Variants in PIGZ observed in about 807,000 individuals in gnomAD.
PIGZ encodes the protein phosphatidylinositol glycan anchor biosynthesis class Z (Gwada blood group).
PIGZ carries 16 observed loss-of-function variants against 16.4 expected under a neutral mutation model. The observed-to-expected ratio is 0.97, with a 90% CI of 0.66 to 1.48. The LOEUF (loss-of-function observed/expected upper bound fraction) is 1.48. Among genes scored for constraint, PIGZ ranks in the 40% most tolerant of loss-of-function variants. The pLI is 0.00. For synonymous variants in PIGZ, 409 were observed against 338.4 expected, an observed-to-expected ratio of 1.21 and a Z score of -2.29; for missense variants, 770 against 739.2, an observed-to-expected ratio of 1.04 and a Z score of -0.48.
chr3:196,962,986 T>C (rs1364079255), intron 1 of PIGZ, among the ~76,000 whole-genome samples: 1 of 152,228 alleles, frequency 6.6e-6, no homozygotes, highest in Non-Finnish European at 1.5e-5. Context: ...CTTATTTCTT[T>C]TCTCAGTCTC....
chr3:196,962,649 C>T (rs1717765504), intron 1 of PIGZ, among the ~76,000 whole-genome samples: 1 of 117,400 alleles, frequency 8.5e-6, no homozygotes, highest in Non-Finnish European at 1.8e-5. Flanking sequence ...GGTGGCAATA[C>T]TGATCTTTAC....
At chr3:196,955,703 C>T (rs988809875) in intron 1 of PIGZ, among the ~76,000 whole-genome samples, 15 of 151,406 alleles carry the variant, frequency 9.9e-5, no homozygotes, top group Admixed American at 5.3e-4. Flanking sequence ...CTCAGCCTCC[C>T]GAGTAGCTGG....
At chr3:196,967,333 T>C (rs1717972313) in intron 1 of PIGZ, among the ~76,000 whole-genome samples, 1 of 151,956 alleles carries the variant, frequency 6.6e-6, no homozygotes, top group Non-Finnish European at 1.5e-5. Flanking sequence ...CCGTCCGGAG[T>C]GGCAGGGCCA....
chr3:196,954,320 C>T (rs909815529), intron 1 of PIGZ, among the ~76,000 whole-genome samples: 2 of 152,086 alleles, frequency 1.3e-5, no homozygotes, highest in Admixed American at 6.5e-5. Flanking sequence ...AAAAAGAAAA[C>T]GTTGTTAACT....
chr3:196,952,212 C>A (rs1442502602), intron 1 of PIGZ, among the ~76,000 whole-genome samples, 181 bp from the exon 2 acceptor site: 2 of 152,188 alleles, frequency 1.3e-5, no homozygotes, highest in Non-Finnish European at 2.9e-5. Flanking sequence ...ATCCTTTCCA[C>A]AGTCTGGAGC....
chr3:196,962,668 AATACTGATCTTTACTGCACT>A (rs1249403081), intron 1 of PIGZ, among the ~76,000 whole-genome samples: 5 of 132,574 alleles, frequency 3.8e-5, no homozygotes, highest in Admixed American at 7.1e-5. Flanking sequence ...ACTGCACGGC[AATACTGATCTTTACTGCACT>A]GAGATGTTTA....
At position 196,958,546 on chromosome 3, in the gene PIGZ, G is replaced by A. The variant is rs576416245; in HGVS notation, c.1-6515C>T. On this transcript the variant is annotated intron_variant, in intron 1 of 2. Transcript: ENST00000412723. The stretch of plus-strand genomic sequence containing the variant: ...CTGGGGAAGCTGAGGCAGGAGAATC[G>A]CTTGAACCTGGGAGGCGGAGTTTGC... 5.3e-3 allele frequency among the ~76,000 whole-genome samples: 808 copies of A among 152,320 alleles called. 6 individuals carry two copies. The highest frequency in any genetic ancestry group is 8.3e-3 in the Non-Finnish European group (566 of 68,032).
rs1262017978 is a variant in PIGZ, at chr3:196,946,388, GT to G, written c.*768del. 6.6e-6 allele frequency: 1 copy of G among 152,214 alleles called. No homozygotes were observed. Among genetic ancestry groups the G allele is most frequent in the African/African-American group, 2.4e-5 (1 of 41,450 alleles). 9.4% of individuals were successfully genotyped at this position (152,214 alleles called of 1,614,324 possible). A position where few individuals can be genotyped will look rare whatever the true frequency, so the allele number is the denominator to read the frequency against. On this transcript the variant is annotated 3_prime_UTR_variant, in exon 3 of 3. Transcript: ENST00000412723. ...CTATTATATATTTCAAACATTACTT[GT>G]TTGCATAATAACCAAACACTGAGAC...
At chr3:196,952,588 C>T (rs530669547) in intron 1 of PIGZ, among the ~76,000 whole-genome samples, 1 of 152,322 alleles carries the variant, frequency 6.6e-6, no homozygotes, top group Admixed American at 6.5e-5. Context: ...CAGGCACACG[C>T]CACTACGCCC....
At chr3:196,960,299 T>C (rs1208973994) in intron 1 of PIGZ, among the ~76,000 whole-genome samples, 2 of 152,220 alleles carry the variant, frequency 1.3e-5, no homozygotes, top group Non-Finnish European at 2.9e-5. Flanking sequence ...CTTCTATTTC[T>C]TGTACTGAAC....
intron 1 of PIGZ, among the ~76,000 whole-genome samples, chr3:196,956,216 A>T (rs1442415117): frequency 6.6e-6 from 1 of 152,166 alleles, no homozygotes; most frequent in African/African-American, 2.4e-5. Flanking sequence ...ATCCTTCATT[A>T]GACTATATGC....
At chr3:196,949,030 CTT>C (rs1717144555) in intron 2 of PIGZ, among the ~76,000 whole-genome samples, 1 of 50,446 alleles carries the variant, frequency 2.0e-5, no homozygotes, top group Non-Finnish European at 3.5e-5. Flanking sequence ...CCTTCCCTTC[CTT>C]CCCTTCCTTC....
In PIGZ at chr3:196,946,902, C is replaced by T. The variant is rs1323595107; in HGVS notation, c.*255G>A. 4.6e-6 allele frequency: 2 copies of T among 434,874 alleles called. No individual in the cohort carries two copies. The highest frequency in any genetic ancestry group is 8.2e-6 in the Non-Finnish European group (2 of 245,102). The allele number at this position is 434,874 out of a possible 1,614,324, so 26.9% of individuals were successfully genotyped here. On this transcript the variant is annotated 3_prime_UTR_variant, in exon 3 of 3. Transcript: ENST00000412723. ...CTGGAAGCAACAGGGCAGGAACAGA[C>T]AGGTGTCGTCACTTAACCTGGTCTT... is the stretch of plus-strand genomic sequence containing the variant.
At chr3:196,954,611 A>G (rs1219967439) in intron 1 of PIGZ, among the ~76,000 whole-genome samples, 1 of 152,066 alleles carries the variant, frequency 6.6e-6, no homozygotes, top group Non-Finnish European at 1.5e-5. Flanking sequence ...ATTTTTTGCT[A>G]TGAGCACAGC....
intron 2 of PIGZ, among the ~76,000 whole-genome samples, chr3:196,950,597 A>C (rs1339485937): frequency 6.6e-6 from 1 of 152,250 alleles, no homozygotes; most frequent in Non-Finnish European, 1.5e-5. Flanking sequence ...ATCCAGGATC[A>C]AATCTATCTG....
intron 1 of PIGZ, among the ~76,000 whole-genome samples, 188 bp from the exon 2 acceptor site, chr3:196,952,219 G>A (rs4916593): frequency 0.38 from 58,059 of 151,782 alleles, 12,302 homozygotes; most frequent in East Asian, 0.83. Context: ...CCACAGTCTG[G>A]AGCAGTGGGT....
chr3:196,960,912 G>T (rs575013072), intron 1 of PIGZ, among the ~76,000 whole-genome samples: 11 of 152,120 alleles, frequency 7.2e-5, no homozygotes, highest in Non-Finnish European at 1.0e-4. Flanking sequence ...ATATATATCA[G>T]GCAGAAGGAA....
chr3:196,947,562 C>T lies in PIGZ; in HGVS notation c.1335G>A (p.Val445=). 2 of 1,613,824 alleles carry T rather than the reference C, an allele frequency of 1.2e-6. No homozygotes were observed. Among genetic ancestry groups the T allele is most frequent in the Non-Finnish European group, 1.7e-6 (2 of 1,179,978 alleles). The change falls in exon 3 of 3, where the codon GTG becomes GTA. Residue 445 remains valine (V), a synonymous_variant. Transcript: ENST00000412723. ...TGCTTGGGAGCACAGGGGCATGGAC[C>T]ACCTGCTCCAGGTACTCCAGGCCAG... ...LVPGLEYLEQ[V]VHAPVLPSTP...
intron 1 of PIGZ, among the ~76,000 whole-genome samples, chr3:196,963,460 G>A (rs1717801080): frequency 1.3e-5 from 2 of 152,112 alleles, no homozygotes; most frequent in Non-Finnish European, 2.9e-5. Flanking sequence ...CTGACTTTTG[G>A]GTTCCATCCA....
Sources: allele counts gnomAD v4.1 joint callset (sites outside exome capture counted in the v4.1 genomes callset), GRCh38; gene constraint gnomAD v4.1.1; transcripts MANE v1.5; gene names NCBI Gene and HGNC (gene_info 2026-07-23, HGNC 2026-07-21).